Variants in NCKAP1 observed in about 807,000 individuals in gnomAD.
NCKAP1 encodes nck-associated protein 1.
Under a neutral mutation model 151.2 loss-of-function variants are expected in NCKAP1, and 21 were observed. The ratio of observed to expected loss-of-function variants is 0.14; its 90% CI spans 0.10 to 0.20. The LOEUF (loss-of-function observed/expected upper bound fraction) is 0.20. NCKAP1 is among the 10% of genes least tolerant of loss of function. The pLI is 1.00. For missense variants in NCKAP1, 933 were observed against 1,352.1 expected (o/e 0.69, Z 4.86); for synonymous variants, 484 against 451.8 (o/e 1.07, Z -0.90).
At chr2:182,948,281 A>T (rs1697147334) in intron 23 of NCKAP1, among the ~76,000 whole-genome samples, 1 of 152,110 alleles carries the variant, frequency 6.6e-6, no homozygotes, top group Non-Finnish European at 1.5e-5. Context: ...TGAAAAGTCA[A>T]GTAAGAAAAG....
chr2:183,032,286 G>A (rs541968711), intron 1 of NCKAP1, among the ~76,000 whole-genome samples: 6 of 152,258 alleles, frequency 3.9e-5, no homozygotes, highest in Admixed American at 6.5e-5. Context: ...CTGCAAGTAC[G>A]GAAAATGTTT....
At position 182,921,448 on chromosome 2, in the gene NCKAP1, C is replaced by T. The variant is rs1696548768; in HGVS notation, c.*4254G>A. 6.6e-6 allele frequency: 1 copy of T among 152,162 alleles called. No individual in the cohort carries two copies. Among genetic ancestry groups the T allele is most frequent in the African/African-American group, 2.4e-5 (1 of 41,432 alleles). The allele number at this position is 152,162 out of a possible 1,614,324, so 9.4% of individuals were successfully genotyped here. On this transcript the variant is annotated 3_prime_UTR_variant, in exon 31 of 31. Transcript: ENST00000361354. ...TACTACAACTGAGACAAGGCAATCA[C>T]CAAGGTCACATACCTAGTACAACCC...
At chr2:182,954,807 T>TAAAATA (rs1329954633) in intron 20 of NCKAP1, among the ~76,000 whole-genome samples, 1 of 151,994 alleles carries the variant, frequency 6.6e-6, no homozygotes, top group Non-Finnish European at 1.5e-5. Flanking sequence ...ATAAATAAAT[T>TAAAATA]AAATAAAATA....
chr2:183,034,483 T>A (rs1699065291), intron 1 of NCKAP1, among the ~76,000 whole-genome samples: 1 of 151,772 alleles, frequency 6.6e-6, no homozygotes, highest in South Asian at 2.1e-4. Flanking sequence ...ATACAGAGAT[T>A]AATCTCATGT....
chr2:183,019,756 A>G (rs1698760949), intron 2 of NCKAP1, among the ~76,000 whole-genome samples: 1 of 152,214 alleles, frequency 6.6e-6, no homozygotes, highest in South Asian at 2.1e-4. Context: ...TTTGAATTTC[A>G]TTTAATCAGC....
chr2:183,020,721 A>G (rs1449715161), intron 2 of NCKAP1, among the ~76,000 whole-genome samples: 1 of 152,180 alleles, frequency 6.6e-6, no homozygotes, highest in Non-Finnish European at 1.5e-5. Flanking sequence ...TCTACAGTGC[A>G]CTTAGTAGCC....
At chr2:182,943,452 T>C (rs541182212) in intron 23 of NCKAP1, among the ~76,000 whole-genome samples, 1 of 152,306 alleles carries the variant, frequency 6.6e-6, no homozygotes, top group South Asian at 2.1e-4. Flanking sequence ...TTAACTTCTA[T>C]GGTCTCTGAT....
intron 24 of NCKAP1, 101 bp downstream of exon 24, chr2:182,941,969 A>G (rs552630279): frequency 3.3e-6 from 3 of 906,014 alleles, no homozygotes; most frequent in South Asian, 3.8e-5. Flanking sequence ...AGTACTTTTC[A>G]TAATTTACTA....
chr2:182,909,722 T>C lies in NCKAP1; in HGVS notation c.*15980A>G, dbSNP rs532182786. On this transcript the variant is annotated 3_prime_UTR_variant, in exon 31 of 31. Transcript: ENST00000361354. ...ATATTTAGGGCACAGGACACCAAAA[T>C]ACAAATAAGTCAACTAGAAATGAGA... 2 of 152,306 alleles carry C rather than the reference T, an allele frequency of 1.3e-5. No individual in the cohort carries two copies. The highest frequency in any genetic ancestry group is 2.1e-4 in the South Asian group (1 of 4,824). The allele number at this position is 152,306 out of a possible 1,614,324, so 9.4% of individuals were successfully genotyped here. A position where few individuals can be genotyped will look rare whatever the true frequency, so the allele number is the denominator to read the frequency against.
intron 8 of NCKAP1, among the ~76,000 whole-genome samples, chr2:182,989,454 T>C (rs917558135): frequency 6.6e-6 from 1 of 152,218 alleles, no homozygotes; most frequent in Non-Finnish European, 1.5e-5. Flanking sequence ...GTCATTTTAA[T>C]AAAAATAACA....
intron 7 of NCKAP1, among the ~76,000 whole-genome samples, 163 bp from the exon 8 acceptor site, chr2:182,995,050 C>T (rs902213662): frequency 6.6e-6 from 1 of 152,186 alleles, no homozygotes; most frequent in East Asian, 1.9e-4. Context: ...ATTACCTATA[C>T]TGAAACTTGC....
chr2:183,023,640 G>A (rs778057504), intron 2 of NCKAP1, among the ~76,000 whole-genome samples, 166 bp downstream of exon 2: 16 of 151,570 alleles, frequency 1.1e-4, no homozygotes, highest in Non-Finnish European at 1.9e-4. Flanking sequence ...ATTTTTTTCC[G>A]GTCTCGGACA....
chr2:182,912,791 T>A lies in NCKAP1; in HGVS notation c.*12911A>T, dbSNP rs1466274567. The A allele has an allele frequency of 6.8e-6, 1 of 147,038 alleles. No individual in the cohort carries two copies. The allele number at this position is 147,038 out of a possible 1,614,324, so 9.1% of individuals were successfully genotyped here. A position where few individuals can be genotyped will look rare whatever the true frequency, so the allele number is the denominator to read the frequency against. On this transcript the variant is annotated 3_prime_UTR_variant, in exon 31 of 31. Coordinates refer to ENST00000361354, the MANE Select transcript of NCKAP1 (RefSeq NM_013436.5). ...AAGCATGCCTTGCACCAAATTAAAA[T>A]ATGTGCACTAGCACAATACTATAGA...
At chr2:182,979,915 T>C (rs1482736562) in intron 13 of NCKAP1, among the ~76,000 whole-genome samples, 1 of 152,082 alleles carries the variant, frequency 6.6e-6, no homozygotes, top group Non-Finnish European at 1.5e-5. Flanking sequence ...AGATACACTA[T>C]CAATAAATCT....
chr2:182,967,355 T>A lies in NCKAP1; in HGVS notation c.1489A>T (p.Thr497Ser). Residue 497 changes from threonine (T) to serine (S), a missense_variant, in exon 16 of 31, where the codon ACT becomes TCT. Around this residue, in one of 2 missense-constraint regions of NCKAP1, gnomAD observed 607 missense variants for 795.0 expected, o/e 0.76. Transcript: ENST00000361354. ...CCAAGTGAAGCCTTTGAGACACTAG[T>A]ATATGCCTATAAAGTACAAAAAAAA... Reference protein sequence around the residue: ...RLDWFRLQAYTSVSKASLGLA... With the variant: ...RLDWFRLQAYSSVSKASLGLA... 6.3e-7 allele frequency: 1 copy of A among 1,599,800 alleles called. No individual in the cohort carries two copies. Among genetic ancestry groups the A allele is most frequent in the Non-Finnish European group, 8.5e-7 (1 of 1,175,780 alleles).
intron 6 of NCKAP1, among the ~76,000 whole-genome samples, chr2:182,996,465 T>C (rs781303568): frequency 1.4e-5 from 2 of 147,986 alleles, no homozygotes; most frequent in Non-Finnish European, 3.0e-5. Context: ...AGAGTGATTC[T>C]TTTTTTTTTT....
chr2:183,019,664 A>G (rs1339387662), intron 2 of NCKAP1, among the ~76,000 whole-genome samples: 1 of 152,170 alleles, frequency 6.6e-6, no homozygotes, highest in African/African-American at 2.4e-5. Flanking sequence ...TAAATGAGGA[A>G]CTCTATTAAT....
At chr2:182,980,768 ATC>A (rs1346859244) in intron 13 of NCKAP1, among the ~76,000 whole-genome samples, 8 of 152,150 alleles carry the variant, frequency 5.3e-5, no homozygotes, top group Middle Eastern at 3.4e-3. Context: ...TATTGTCTCT[ATC>A]ATCTCTTCTG....
rs940840338 is a variant in NCKAP1, at chr2:182,952,539, G to C, written c.2504-37C>G. On this transcript the variant is annotated intron_variant, in intron 22 of 30. Transcript: ENST00000361354. ...CATACTTAATTTTATACTTCCGACA[G>C]AGCAAATACTTTAAGAAAATGAACA... The C allele has an allele frequency of 5.7e-6, 8 of 1,412,498 alleles. No individual in the cohort carries two copies. In the Admixed American group the frequency reaches 6.4e-5, roughly 11 times the overall value. The allele number at this position is 1,412,498 out of a possible 1,614,324, so 87.5% of individuals were successfully genotyped here.
Sources: allele counts gnomAD v4.1 joint callset (sites outside exome capture counted in the v4.1 genomes callset), GRCh38; gene constraint gnomAD v4.1.1; regional missense constraint gnomAD v4.1.1; transcripts MANE v1.5; gene names NCBI Gene and HGNC (gene_info 2026-07-23, HGNC 2026-07-21).